The following PCNX2 variants were observed in gnomAD, a reference collection of about 807,000 sequenced individuals.
PCNX2 encodes the protein pecanex-like protein 2.
A neutral mutation model predicts 223.8 loss-of-function variants in PCNX2; 168 were observed. That is an observed-to-expected ratio of 0.75 (90% confidence interval 0.66 to 0.85). PCNX2 has a LOEUF of 0.85. Among genes scored for constraint, PCNX2 ranks in the 40% least tolerant of loss-of-function variants. The pLI, the probability that PCNX2 is intolerant of heterozygous loss-of-function variation, is 0.00. For missense variants in PCNX2, 2,507 were observed against 2,675.5 expected, an observed-to-expected ratio of 0.94 and a Z score of 1.39; for synonymous variants, 1,006 against 1,052.6, an observed-to-expected ratio of 0.96 and a Z score of 0.86.
chr1:233,327,191 A>G, the PCNX2 span, among the ~76,000 whole-genome samples: 2 of 151,872 alleles, frequency 1.3e-5, no homozygotes, highest in African/African-American at 2.4e-5. Flanking sequence ...ACCCTCTCCC[A>G]CCGCTTCTTG....
chr1:233,014,807 C>T (rs1045129334), intron 27 of PCNX2, 30 bp from the exon 28 acceptor site: 1 of 1,550,226 alleles, frequency 6.5e-7, no homozygotes, highest in African/African-American at 1.4e-5. Flanking sequence ...ACTCAGCTTT[C>T]ACACAGATTC....
intron 21 of PCNX2, among the ~76,000 whole-genome samples, chr1:233,114,707 G>A (rs578019734): frequency 2.0e-5 from 3 of 152,254 alleles, no homozygotes; most frequent in East Asian, 1.9e-4. Context: ...AGCGACAGGC[G>A]CATCCAGAAA....
chr1:233,124,008 T>C (rs759674545), intron 21 of PCNX2, among the ~76,000 whole-genome samples: 14 of 152,224 alleles, frequency 9.2e-5, no homozygotes, highest in Non-Finnish European at 2.1e-4. Context: ...TATTATTTCT[T>C]GCTTAATTTT....
At chr1:233,109,434 C>T (rs536427541) in intron 21 of PCNX2, among the ~76,000 whole-genome samples, 1 of 152,172 alleles carries the variant, frequency 6.6e-6, no homozygotes, top group East Asian at 1.9e-4. Context: ...AAAACAACGC[C>T]GGATGAAAGA....
At chr1:233,055,510 G>T (rs1312658501) in intron 24 of PCNX2, among the ~76,000 whole-genome samples, 1 of 152,034 alleles carries the variant, frequency 6.6e-6, no homozygotes, top group African/African-American at 2.4e-5. Context: ...TCCTTTCATG[G>T]GATCTCTCAA....
At chr1:233,228,377 A>C (rs887534218) in intron 9 of PCNX2, among the ~76,000 whole-genome samples, 9 of 152,170 alleles carry the variant, frequency 5.9e-5, no homozygotes, top group Admixed American at 4.6e-4. Flanking sequence ...AATATCATAA[A>C]ATTTACCATC....
chr1:233,239,585 T>G (rs1399282646), intron 8 of PCNX2, among the ~76,000 whole-genome samples: 1 of 152,234 alleles, frequency 6.6e-6, no homozygotes, highest in African/African-American at 2.4e-5. Flanking sequence ...ATAAGCATGT[T>G]GTCTTCCTAC....
chr1:233,205,191 AT>A (rs1449686220), intron 13 of PCNX2, among the ~76,000 whole-genome samples: 8 of 152,330 alleles, frequency 5.3e-5, no homozygotes, highest in Admixed American at 4.6e-4. Flanking sequence ...GGAGATACCC[AT>A]GTACAGAAAA....
the PCNX2 span, among the ~76,000 whole-genome samples, chr1:233,311,449 A>G: frequency 5.9e-5 from 9 of 152,376 alleles, no homozygotes; most frequent in South Asian, 6.2e-4. Context: ...GTTTGTTTAT[A>G]TGTGTTGCCA....
At chr1:233,074,218 T>C (rs1246910038) in intron 23 of PCNX2, among the ~76,000 whole-genome samples, 1 of 152,142 alleles carries the variant, frequency 6.6e-6, no homozygotes, top group African/African-American at 2.4e-5. Context: ...TATGGTCTAG[T>C]AGATGGTCCA....
chr1:233,270,175 G>A (rs1480671129), intron 1 of PCNX2, among the ~76,000 whole-genome samples: 1 of 152,022 alleles, frequency 6.6e-6, no homozygotes, highest in Admixed American at 6.6e-5. Context: ...GAGGGATTGA[G>A]GACAGGTGTG....
At chr1:233,049,262 G>C (rs1174930910) in intron 25 of PCNX2, among the ~76,000 whole-genome samples, 1 of 152,020 alleles carries the variant, frequency 6.6e-6, no homozygotes, top group African/African-American at 2.4e-5. Flanking sequence ...AACCAAATTA[G>C]GCAGCACATC....
intron 21 of PCNX2, among the ~76,000 whole-genome samples, chr1:233,111,120 A>T (rs1175680866): frequency 6.6e-6 from 1 of 152,130 alleles, no homozygotes; most frequent in Non-Finnish European, 1.5e-5. Flanking sequence ...TTTTTATCAC[A>T]CGGAAAGTCG....
the PCNX2 span, among the ~76,000 whole-genome samples, chr1:233,322,796 T>C: frequency 6.6e-6 from 1 of 151,780 alleles, no homozygotes; most frequent in Admixed American, 6.6e-5. Context: ...CCTTGATCTC[T>C]GCATGACCCA....
At chr1:233,168,245 G>A (rs1678918692) in intron 17 of PCNX2, among the ~76,000 whole-genome samples, 1 of 152,042 alleles carries the variant, frequency 6.6e-6, no homozygotes, top group Non-Finnish European at 1.5e-5. Context: ...ACATAGAGAA[G>A]AGAGGGGAAA....
the PCNX2 span, among the ~76,000 whole-genome samples, chr1:233,312,988 C>T: frequency 6.6e-6 from 1 of 151,894 alleles, no homozygotes; most frequent in Admixed American, 6.6e-5. Context: ...GTCATACTAA[C>T]TCTTGCTAAA....
intron 1 of PCNX2, among the ~76,000 whole-genome samples, chr1:233,288,678 T>C (rs1378057176): frequency 1.3e-5 from 2 of 152,072 alleles, no homozygotes; most frequent in Non-Finnish European, 2.9e-5. Flanking sequence ...CCTCTGCACA[T>C]GCCGTCCACA....
chr1:233,253,450 C>T lies in PCNX2; in HGVS notation c.1835-662G>A, dbSNP rs923898151. ...GCTTCAACCTCTTGGGCACAAGTGA[C>T]TCTCCTATCTCTGCCTCCCAAGCAG... On this transcript the variant is annotated intron_variant, in intron 5 of 33. Transcript: ENST00000258229. This position sits in a 1 kb window ranked among gnomAD's most constrained non-coding sequence, Gnocchi z 4.2. Among the ~76,000 whole-genome samples the T allele has an allele frequency of 1.3e-5, 2 of 152,150 alleles. No individual in the cohort carries two copies. Among genetic ancestry groups the T allele is most frequent in the Non-Finnish European group, 2.9e-5 (2 of 68,024 alleles).
At chr1:233,153,415 T>C (rs887687578) in intron 19 of PCNX2, among the ~76,000 whole-genome samples, 7 of 152,064 alleles carry the variant, frequency 4.6e-5, no homozygotes, top group African/African-American at 1.7e-4. Context: ...TACATAGCTA[T>C]TGGAATGGTG....
Sources: allele counts gnomAD v4.1 joint callset (sites outside exome capture counted in the v4.1 genomes callset), GRCh38; gene constraint gnomAD v4.1.1; non-coding constraint Gnocchi (gnomAD v3.1); transcripts MANE v1.5; gene names NCBI Gene and HGNC (gene_info 2026-07-23, HGNC 2026-07-21).